TLN2: variants seen among roughly 807,000 people sequenced by gnomAD.
The protein encoded by TLN2 is talin 2.
Under a neutral mutation model 294.7 loss-of-function variants are expected in TLN2, and 118 were observed. The observed-to-expected ratio is 0.40, with a 90% CI of 0.34 to 0.47. The LOEUF is 0.47. TLN2 is among the 20% of genes least tolerant of loss of function. The probability of loss-of-function intolerance (pLI) is 0.84; values close to 1 mark genes in which losing one functional copy is unlikely to be tolerated. For synonymous variants in TLN2, 1,431 were observed against 1,304.5 expected, an observed-to-expected ratio of 1.10 and a Z score of -2.09; for missense variants, 3,083 against 3,282.2, an observed-to-expected ratio of 0.94 and a Z score of 1.48.
chr15:62,432,582 C>G (rs1325159860), intron 1 of TLN2, among the ~76,000 whole-genome samples: 2 of 152,144 alleles, frequency 1.3e-5, no homozygotes, highest in Non-Finnish European at 2.9e-5. Context: ...TGTGAAGGCA[C>G]TTTGAAAAGA....
chr15:62,541,465 T>C (rs535390760), intron 1 of TLN2, among the ~76,000 whole-genome samples: 2 of 152,306 alleles, frequency 1.3e-5, no homozygotes, highest in East Asian at 3.9e-4. Context: ...TGACCCTGGA[T>C]GGTGCTCCCA....
chr15:62,655,582 G>GGAGTGCTTTAGCTATAACTT lies in TLN2; in HGVS notation c.518-362_518-361insGAGTGCTTTAGCTATAACTT, dbSNP rs2053116818. ...AGAGGCAGCATATTATACATTCATT[G>GGAGTGCTTTAGCTATAACTT]TAGCACATGTCACCGTGGGTTGGCT... On this transcript the variant is annotated intron_variant, in intron 7 of 58. Coordinates refer to ENST00000636159, the MANE Select transcript of TLN2 (RefSeq NM_015059.3). Among the ~76,000 whole-genome samples, 2 of 11,798 alleles carry GGAGTGCTTTAGCTATAACTT rather than the reference G, an allele frequency of 1.7e-4. 1 individual carries two copies. Among genetic ancestry groups the GGAGTGCTTTAGCTATAACTT allele is most frequent in the Non-Finnish European group, 7.1e-3 (2 of 280 alleles). 7.7% of individuals were successfully genotyped at this position (11,798 alleles called of 152,430 possible). A position where few individuals can be genotyped will look rare whatever the true frequency, so the allele number is the denominator to read the frequency against.
Position 62,750,472 on chromosome 15 carries a change from G to A in TLN2, c.4190G>A (p.Ser1397Asn). ...CTCTCTTACTTTGACTGCATTGAGA[G>A]TGTGATGGAAAACTCCAAGGTAAGA... ...SDLSYFDCIE[S>N]VMENSKVLGE... The change falls in exon 34 of 59, where the codon AGT becomes AAT. Residue 1397 changes from serine (S) to asparagine (N), a missense_variant. Coordinates refer to ENST00000636159, the MANE Select transcript of TLN2 (RefSeq NM_015059.3). The A allele has an allele frequency of 6.2e-7, 1 of 1,614,184 alleles. No homozygotes were observed. Among genetic ancestry groups the A allele is most frequent in the Non-Finnish European group, 8.5e-7 (1 of 1,179,992 alleles).
At chr15:62,505,103 CCT>C (rs2039537841) in intron 1 of TLN2, among the ~76,000 whole-genome samples, 2 of 151,748 alleles carry the variant, frequency 1.3e-5, no homozygotes, top group African/African-American at 2.4e-5. Flanking sequence ...ATTACAGGCG[CCT>C]GCCACTATGC....
intron 37 of TLN2, among the ~76,000 whole-genome samples, chr15:62,759,075 T>C (rs1430951332): frequency 1.3e-5 from 2 of 152,208 alleles, no homozygotes; most frequent in South Asian, 4.1e-4. Flanking sequence ...CCTGGAAATA[T>C]GGCTGAGTAA....
intron 21 of TLN2, 114 bp downstream of exon 21, chr15:62,708,910 T>C: frequency 2.3e-6 from 3 of 1,299,052 alleles, no homozygotes; most frequent in Non-Finnish European, 3.1e-6. Context: ...GCAAGTTCTC[T>C]TCAGTCTCAA....
intron 3 of TLN2, among the ~76,000 whole-genome samples, chr15:62,620,305 C>G (rs2048683666): frequency 6.6e-6 from 1 of 152,004 alleles, no homozygotes; most frequent in South Asian, 2.1e-4. Flanking sequence ...TCTGGTGCAC[C>G]TTTCATTTTA....
At chr15:62,422,651 C>G (rs886162382) in intron 1 of TLN2, among the ~76,000 whole-genome samples, 1 of 152,170 alleles carries the variant, frequency 6.6e-6, no homozygotes, top group African/African-American at 2.4e-5. Flanking sequence ...TATCCCATCT[C>G]CTGGCACTCC....
rs2042868346 is a variant in TLN2 at position 62,560,518 on chromosome 15, G to A, written c.-237-29169G>A. Reference sequence around the variant, plus strand: ...ATTTTTGTATTTTTAGTAGAGACAGGGTTTCATCATATTGGCCGGGCTGGT... The same window carrying A: ...ATTTTTGTATTTTTAGTAGAGACAGAGTTTCATCATATTGGCCGGGCTGGT... On this transcript the variant is annotated intron_variant, in intron 1 of 58. Coordinates refer to ENST00000636159, the MANE Select transcript of TLN2 (RefSeq NM_015059.3). Among the ~76,000 whole-genome samples, 4 of 152,286 alleles carry A rather than the reference G, an allele frequency of 2.6e-5. No homozygotes were observed. The South Asian group carries it at 8.3e-4, about 32-fold the overall frequency.
At chr15:62,556,318 C>A (rs1345111526) in intron 1 of TLN2, among the ~76,000 whole-genome samples, 1 of 131,712 alleles carries the variant, frequency 7.6e-6, no homozygotes, top group Admixed American at 7.7e-5. Context: ...CTCTTTTTTT[C>A]TTTTCTTTTA....
chr15:62,680,388 C>T (rs1274447191), intron 11 of TLN2, among the ~76,000 whole-genome samples: 1 of 152,074 alleles, frequency 6.6e-6, no homozygotes, highest in Non-Finnish European at 1.5e-5. Flanking sequence ...AATATGTACA[C>T]AATCATTTTA....
chr15:62,661,350 C>T (rs1002914832), intron 9 of TLN2, among the ~76,000 whole-genome samples: 5 of 151,998 alleles, frequency 3.3e-5, no homozygotes, highest in African/African-American at 4.8e-5. Flanking sequence ...TGAACATAGC[C>T]TAAGAGAATA....
intron 15 of TLN2, 116 bp downstream of exon 15, chr15:62,697,984 C>CGAGG: frequency 7.7e-7 from 1 of 1,303,564 alleles, no homozygotes; most frequent in Middle Eastern, 2.6e-4. Context: ...CCCGGCTGAA[C>CGAGG]CATGCCTCGT....
chr15:62,762,694 T>C (rs1222911179), intron 39 of TLN2, among the ~76,000 whole-genome samples: 3 of 152,254 alleles, frequency 2.0e-5, no homozygotes, highest in Non-Finnish European at 4.4e-5. Context: ...AATAGTCTTA[T>C]AAGGTACCAC....
At chr15:62,716,992 C>A (rs1278636860) in intron 23 of TLN2, among the ~76,000 whole-genome samples, 1 of 151,538 alleles carries the variant, frequency 6.6e-6, no homozygotes, top group Non-Finnish European at 1.5e-5. Flanking sequence ...GAGACCCTTA[C>A]ACTGAAATTT....
At chr15:62,548,873 T>C (rs2042136021) in intron 1 of TLN2, among the ~76,000 whole-genome samples, 1 of 152,180 alleles carries the variant, frequency 6.6e-6, no homozygotes, top group African/African-American at 2.4e-5. Flanking sequence ...GATAAAATTA[T>C]GGGTGGATTT....
intron 1 of TLN2, among the ~76,000 whole-genome samples, chr15:62,461,138 C>A (rs570781111): frequency 6.6e-6 from 1 of 152,006 alleles, no homozygotes; most frequent in Admixed American, 6.6e-5. Context: ...TTAGTAGAGA[C>A]GGGGTTTCAC....
intron 41 of TLN2, among the ~76,000 whole-genome samples, chr15:62,770,510 C>G (rs1333223498): frequency 6.6e-6 from 1 of 152,202 alleles, no homozygotes; most frequent in Admixed American, 6.6e-5. Flanking sequence ...TCAAAATGCT[C>G]TGGGCAAAAG....
intron 1 of TLN2, among the ~76,000 whole-genome samples, chr15:62,531,760 A>C (rs1341954883): frequency 6.6e-6 from 1 of 152,186 alleles, no homozygotes; most frequent in Non-Finnish European, 1.5e-5. Flanking sequence ...TTTGTATTAT[A>C]CGTGGGCCTT....
Sources: allele counts gnomAD v4.1 joint callset (sites outside exome capture counted in the v4.1 genomes callset), GRCh38; gene constraint gnomAD v4.1.1; transcripts MANE v1.5; gene names NCBI Gene and HGNC (gene_info 2026-07-23, HGNC 2026-07-21).